FNBP4: variants seen among roughly 807,000 people sequenced by gnomAD.
FNBP4 encodes the protein formin binding protein 4, also known as formin-binding protein 4.
In FNBP4, 34 loss-of-function variants were observed where a neutral mutation model predicts 119.3. The ratio of observed to expected loss-of-function variants is 0.28; its 90% confidence interval spans 0.22 to 0.38. FNBP4 has a LOEUF of 0.38. Ranked by LOEUF, FNBP4 falls within the 10% of genes least tolerant of loss-of-function variation. FNBP4 has a pLI of 1.00. For synonymous variants in FNBP4, 462 were observed against 430.6 expected (o/e 1.07, Z -0.90); for missense variants, 1,112 against 1,228.9 (o/e 0.90, Z 1.42).
Position 47,746,107 on chromosome 11 carries a change from C to A in FNBP4, c.1194G>T (p.Glu398Asp), listed in dbSNP as rs1334332014. 1 of 1,611,364 alleles carries A rather than the reference C, an allele frequency of 6.2e-7. No individual in the cohort carries two copies. Among genetic ancestry groups the A allele is most frequent in the Non-Finnish European group, 8.5e-7 (1 of 1,179,398 alleles). The part of the protein sequence containing the change: ...CSVVQSGESE[E>D]EEEQDTLELE... ...GTTCAAGGGTATCTTGTTCCTCTTC[C>A]TCCTCACTTTCTCCAGATTGGACAA... Residue 398 changes from glutamate (E) to aspartate (D), a missense_variant, in exon 7 of 17, where the codon GAG (glutamate) becomes GAT (aspartate). Physicochemically the swap from Glu to Asp is conservative, Grantham distance 45. This residue lies in a region of FNBP4 where 826 missense variants were observed against 988.8 expected (regional missense o/e 0.84). Coordinates refer to ENST00000263773, the MANE Select transcript of FNBP4 (RefSeq NM_015308.5).
chr11:47,742,839 A>G (rs995527100), intron 8 of FNBP4, among the ~76,000 whole-genome samples: 60 of 152,100 alleles, frequency 3.9e-4, no homozygotes, highest in Admixed American at 2.3e-3. Context: ...GCAGTGAGCC[A>G]AGACTGCACC....
At chr11:47,723,378 G>C in intron 14 of FNBP4, 62 bp from the exon 15 acceptor site, 1 of 1,523,384 alleles carries the variant, frequency 6.6e-7, no homozygotes, top group South Asian at 1.3e-5. Flanking sequence ...CAGATGCAAT[G>C]AAAAGAGAAG....
Position 47,734,017 on chromosome 11 carries a change from AGAC to A in FNBP4, c.1686+5_1686+7del. 7.1e-7 allele frequency: 1 copy of A among 1,412,104 alleles called. No homozygotes were observed. Among genetic ancestry groups the A allele is most frequent in the Non-Finnish European group, 9.5e-7 (1 of 1,049,412 alleles). 87.5% of individuals were successfully genotyped at this position (1,412,104 alleles called of 1,614,324 possible). ...GTTTATGCCAAAAAAAAAAAAAAAA[AGAC>A]TTACCTCAGTCTGTAAGAGCAGCAC... On this transcript the variant is annotated splice_donor_5th_base_variant and intron_variant, in intron 10 of 16. Coordinates refer to ENST00000263773, the MANE Select transcript of FNBP4 (RefSeq NM_015308.5).
intron 2 of FNBP4, among the ~76,000 whole-genome samples, chr11:47,763,242 T>C (rs1179662332): frequency 1.3e-5 from 2 of 152,058 alleles, no homozygotes; most frequent in African/African-American, 4.8e-5. Context: ...GGCGGGTGGA[T>C]CACTTGAAGT....
intron 15 of FNBP4, among the ~76,000 whole-genome samples, chr11:47,722,253 CTTT>C (rs56018868): frequency 6.8e-6 from 1 of 146,226 alleles, no homozygotes; most frequent in South Asian, 2.2e-4. Flanking sequence ...CCCCGTTTTT[CTTT>C]TTTTTTTTTA....
intron 4 of FNBP4, 78 bp downstream of exon 4, chr11:47,752,838 C>CA (rs2097606980): frequency 1.5e-6 from 2 of 1,349,722 alleles, no homozygotes; most frequent in African/African-American, 1.5e-5. Context: ...AACAAACAAA[C>CA]AAAAAACCAG....
chr11:47,734,988 C>T (rs866863347), intron 9 of FNBP4, among the ~76,000 whole-genome samples: 3 of 119,978 alleles, frequency 2.5e-5, no homozygotes, highest in African/African-American at 9.5e-5. Context: ...ACCCCCCCCC[C>T]CAAAAAAAAA....
Position 47,743,993 on chromosome 11 carries a change from A to G in FNBP4, c.1416T>C (p.Ser472=), listed in dbSNP as rs1446073764. 1 of 1,614,208 alleles carries G rather than the reference A, an allele frequency of 6.2e-7. No individual in the cohort carries two copies. Among genetic ancestry groups the G allele is most frequent in the East Asian group, 2.2e-5 (1 of 44,890 alleles). The part of the protein sequence containing the change: ...ATSPESTSRS[S]SKTGRDTPEN... ...CTGGAGTATCTCGTCCAGTTTTACTAGAACTCCTACTGGTAGATTCTGGAC... is the reference window on the plus strand; with the variant it reads ...CTGGAGTATCTCGTCCAGTTTTACTGGAACTCCTACTGGTAGATTCTGGAC... Residue 472 remains serine, a synonymous_variant, in exon 8 of 17, where the codon TCT becomes TCC. Coordinates refer to ENST00000263773, the MANE Select transcript of FNBP4 (RefSeq NM_015308.5).
Position 47,717,037 on chromosome 11 carries a change from A to C in FNBP4, c.*385T>G, listed in dbSNP as rs189678868. 1 of 163,096 alleles carries C rather than the reference A, an allele frequency of 6.1e-6. No homozygotes were observed. Among genetic ancestry groups the C allele is most frequent in the Non-Finnish European group, 1.3e-5 (1 of 74,784 alleles). 10.1% of individuals were successfully genotyped at this position (163,096 alleles called of 1,614,324 possible). On this transcript the variant is annotated 3_prime_UTR_variant, in exon 17 of 17. Transcript: ENST00000263773. ...AGACAATTCCAGTCAAGCAAGGTAG[A>C]ATGCAGAGCTGCCTTCTGAATTGCA...
chr11:47,727,557 C>T (rs563037201), intron 12 of FNBP4, among the ~76,000 whole-genome samples: 166 of 152,154 alleles, frequency 1.1e-3, no homozygotes, highest in African/African-American at 3.8e-3. Flanking sequence ...TGCTTTTGTA[C>T]TTCATAAGCA....
intron 2 of FNBP4, among the ~76,000 whole-genome samples, chr11:47,757,603 C>G (rs1036023697): frequency 3.3e-5 from 5 of 152,132 alleles, no homozygotes; most frequent in Admixed American, 2.6e-4. Flanking sequence ...ATGCGATTCT[C>G]CTGCCTCAGC....
intron 15 of FNBP4, among the ~76,000 whole-genome samples, chr11:47,720,838 G>C (rs985553642): frequency 6.6e-6 from 1 of 151,788 alleles, no homozygotes; most frequent in African/African-American, 2.4e-5. Context: ...TTAGCCGGGG[G>C]CGGTGGCGGC....
chr11:47,718,684 T>G (rs989199245), intron 16 of FNBP4, among the ~76,000 whole-genome samples: 1 of 152,244 alleles, frequency 6.6e-6, no homozygotes, highest in Non-Finnish European at 1.5e-5. Context: ...AGCTATATTC[T>G]AGGTTATACA....
At position 47,765,266 on chromosome 11, in the gene FNBP4, A is replaced by G; in HGVS notation, c.313+4T>C. The G allele has an allele frequency of 1.3e-6, 2 of 1,593,836 alleles. No individual in the cohort carries two copies. Among genetic ancestry groups the G allele is most frequent in the Non-Finnish European group, 1.7e-6 (2 of 1,170,064 alleles). ...AAAATGTAAAAAACAAAACAAAAGCATACCTGTTGCTTTAACAGCTGTGGG... is the reference window on the plus strand; with the variant it reads ...AAAATGTAAAAAACAAAACAAAAGCGTACCTGTTGCTTTAACAGCTGTGGG... On this transcript the variant is annotated splice_donor_region_variant and intron_variant, in intron 2 of 16. Coordinates refer to ENST00000263773, the MANE Select transcript of FNBP4 (RefSeq NM_015308.5).
chr11:47,740,656 C>G (rs1009743215), intron 8 of FNBP4, among the ~76,000 whole-genome samples: 39 of 151,318 alleles, frequency 2.6e-4, no homozygotes, highest in Admixed American at 2.0e-4. Context: ...TGCAGTGGCA[C>G]AAACTCGGCT....
In FNBP4 at chr11:47,743,368, AGCTACTC is replaced by A. The variant is rs1027910916; in HGVS notation, c.1456+578_1456+584del. The stretch of plus-strand genomic sequence containing the variant: ...CGCGGTGGCAGGCACCTATAATCCC[AGCTACTC>A]GGGAGGCTGAGGTAAGAGAATTGCT... On this transcript the variant is annotated intron_variant, in intron 8 of 16. Coordinates refer to ENST00000263773, the MANE Select transcript of FNBP4 (RefSeq NM_015308.5). 3.3e-5 allele frequency among the ~76,000 whole-genome samples: 5 copies of A among 152,196 alleles called. No individual in the cohort carries two copies. The South Asian group carries it at 6.2e-4, about 19-fold the overall frequency.
intron 3 of FNBP4, among the ~76,000 whole-genome samples, chr11:47,754,210 A>G (rs78608791): frequency 3.1e-5 from 4 of 129,338 alleles, no homozygotes; most frequent in East Asian, 4.2e-4. Context: ...CTATCTCAAG[A>G]AAAAAAAAAA....
intron 2 of FNBP4, among the ~76,000 whole-genome samples, chr11:47,755,131 C>T (rs1210468743): frequency 7.6e-6 from 1 of 131,380 alleles, no homozygotes; most frequent in Non-Finnish European, 1.6e-5. Context: ...AAGACTCTGT[C>T]TCCGGGGGTT....
At chr11:47,758,542 T>C (rs2135266513) in intron 2 of FNBP4, among the ~76,000 whole-genome samples, 1 of 152,038 alleles carries the variant, frequency 6.6e-6, no homozygotes, top group Non-Finnish European at 1.5e-5. Context: ...ATCACAATAG[T>C]ATTTTAAACT....
Sources: allele counts gnomAD v4.1 joint callset (sites outside exome capture counted in the v4.1 genomes callset), GRCh38; gene constraint gnomAD v4.1.1; regional missense constraint gnomAD v4.1.1; transcripts MANE v1.5; gene names NCBI Gene and HGNC (gene_info 2026-07-23, HGNC 2026-07-21).